RBFOX1: variants seen among roughly 807,000 people sequenced by gnomAD.
The protein encoded by RBFOX1 is RNA binding fox-1 homolog 1.
A neutral mutation model predicts 57.7 loss-of-function variants in RBFOX1; 8 were observed. That is an observed-to-expected ratio of 0.14 (90% CI 0.08 to 0.25). RBFOX1 has a LOEUF of 0.25. Ranked by LOEUF, RBFOX1 falls within the 10% of genes least tolerant of loss-of-function variation. RBFOX1 has a pLI of 1.00. For synonymous variants in RBFOX1, 326 were observed against 222.4 expected (o/e 1.47, Z -4.15); for missense variants, 611 against 548.5 (o/e 1.11, Z -1.14).
intron 2 of RBFOX1, among the ~76,000 whole-genome samples, chr16:6,585,441 G>A (rs191460744): frequency 2.0e-5 from 3 of 151,924 alleles, no homozygotes; most frequent in South Asian, 4.2e-4. Context: ...TTGTATTCTC[G>A]GTCCCCTTTG....
In RBFOX1 at chr16:6,718,008, A is replaced by G. The variant is rs571908292; in HGVS notation, c.-16+63358A>G. ...CCCTGCACCATTTTCTACCACCACC[A>G]CCGTCATCACCACCATCATCACTGG... On this transcript the variant is annotated intron_variant, in intron 3 of 15. Coordinates refer to ENST00000550418, the MANE Select transcript of RBFOX1 (RefSeq NM_018723.4). Among the ~76,000 whole-genome samples the G allele has an allele frequency of 2.0e-4, 30 of 152,216 alleles. No individual in the cohort carries two copies. The South Asian group carries it at 6.2e-3, about 32-fold the overall frequency.
chr16:7,113,006 A>G (rs548830652), intron 4 of RBFOX1, among the ~76,000 whole-genome samples: 4 of 152,310 alleles, frequency 2.6e-5, no homozygotes, highest in Admixed American at 1.3e-4. Context: ...ACATGAATTC[A>G]GGGGTGAGTC....
At chr16:7,470,164 C>G (rs2061306327) in intron 4 of RBFOX1, among the ~76,000 whole-genome samples, 1 of 152,096 alleles carries the variant, frequency 6.6e-6, no homozygotes, top group African/African-American at 2.4e-5. Flanking sequence ...CTTTCTTAAT[C>G]TGACTGTATA....
intron 4 of RBFOX1, among the ~76,000 whole-genome samples, chr16:5,955,882 G>C (rs2059628813): frequency 6.6e-6 from 1 of 152,270 alleles, no homozygotes; most frequent in Non-Finnish European, 1.5e-5. Flanking sequence ...GAAGATAACG[G>C]GTCCAATGCT....
chr16:5,494,059 G>A (rs946996848), intron 2 of RBFOX1, among the ~76,000 whole-genome samples: 1 of 152,144 alleles, frequency 6.6e-6, no homozygotes, highest in Non-Finnish European at 1.5e-5. Flanking sequence ...CAGGAGGTGG[G>A]GTCCCATTTC....
intron 1 of RBFOX1, among the ~76,000 whole-genome samples, chr16:6,299,520 A>G (rs2078549051): frequency 6.6e-6 from 1 of 152,136 alleles, no homozygotes; most frequent in Admixed American, 6.5e-5. Context: ...GCCACCAGCC[A>G]GAGTGATTTC....
At chr16:6,721,445 A>AAAC (rs200633535) in intron 3 of RBFOX1, among the ~76,000 whole-genome samples, 1 of 152,212 alleles carries the variant, frequency 6.6e-6, no homozygotes, top group Non-Finnish European at 1.5e-5. Context: ...TCTGTCTCAA[A>AAAC]AACAACAACA....
At chr16:7,382,058 G>A (rs1009978089) in intron 4 of RBFOX1, among the ~76,000 whole-genome samples, 1 of 152,252 alleles carries the variant, frequency 6.6e-6, no homozygotes, top group Non-Finnish European at 1.5e-5. Flanking sequence ...TTATAAATCA[G>A]TTGGAAGTTG....
At chr16:5,298,515 C>T (rs1176463637) in intron 1 of RBFOX1, among the ~76,000 whole-genome samples, 1 of 31,024 alleles carries the variant, frequency 3.2e-5, no homozygotes, top group Non-Finnish European at 5.6e-5. Flanking sequence ...CCCTTCCCCT[C>T]CCCTCCCCTC....
intron 2 of RBFOX1, among the ~76,000 whole-genome samples, chr16:6,481,514 G>T (rs529380605): frequency 5.3e-5 from 8 of 152,186 alleles, no homozygotes; most frequent in Non-Finnish European, 7.3e-5. Flanking sequence ...TTGCTTTTGT[G>T]AACTGATTTG....
intron 4 of RBFOX1, among the ~76,000 whole-genome samples, chr16:7,140,362 T>C (rs2073436531): frequency 6.6e-6 from 1 of 150,992 alleles, no homozygotes; most frequent in African/African-American, 2.4e-5. Flanking sequence ...TCTGAGTCTG[T>C]ATGATAGGAT....
At chr16:6,343,500 C>G (rs1032643964) in intron 2 of RBFOX1, among the ~76,000 whole-genome samples, 19 of 152,162 alleles carry the variant, frequency 1.2e-4, no homozygotes, top group African/African-American at 4.3e-4. Context: ...TCTTCTTATC[C>G]CTCCTGAGGT....
At chr16:6,764,355 A>G (rs1477636737) in intron 3 of RBFOX1, among the ~76,000 whole-genome samples, 1 of 152,066 alleles carries the variant, frequency 6.6e-6, no homozygotes, top group Non-Finnish European at 1.5e-5. Context: ...AACCTGAAAT[A>G]TTTTCAGTCC....
intron 3 of RBFOX1, among the ~76,000 whole-genome samples, chr16:6,809,349 C>T (rs140849590): frequency 1.3e-5 from 2 of 152,062 alleles, no homozygotes; most frequent in Non-Finnish European, 2.9e-5. Context: ...TGTAGATTGC[C>T]TCTAAGTGCC....
intron 2 of RBFOX1, among the ~76,000 whole-genome samples, chr16:6,553,196 C>T (rs2097024411): frequency 6.6e-6 from 1 of 152,120 alleles, no homozygotes; most frequent in Admixed American, 6.5e-5. Flanking sequence ...TTCTGCAGCT[C>T]TTCTCACGCT....
intron 3 of RBFOX1, among the ~76,000 whole-genome samples, chr16:7,000,192 C>T (rs967914906): frequency 1.3e-5 from 2 of 151,824 alleles, no homozygotes; most frequent in South Asian, 4.2e-4. Context: ...CTGTCATTAG[C>T]GTTATTATGC....
At chr16:7,350,707 G>A (rs947803948) in intron 4 of RBFOX1, among the ~76,000 whole-genome samples, 18 of 152,126 alleles carry the variant, frequency 1.2e-4, no homozygotes, top group African/African-American at 4.3e-4. Flanking sequence ...CCATTTCTTT[G>A]ATCTTCATTG....
rs937247639 is a variant in RBFOX1 at position 6,686,934 on chromosome 16, A to C, written c.-16+32284A>C. Among the ~76,000 whole-genome samples the C allele has an allele frequency of 1.3e-5, 2 of 152,234 alleles. 1 individual carries two copies. Among genetic ancestry groups the C allele is most frequent in the South Asian group, 4.1e-4 (2 of 4,834 alleles). ...ATTTGTGTACCTGATTTGTGTGTGT[A>C]TATAGATTCTGCTCGTAATGATATG... is the stretch of plus-strand genomic sequence containing the variant. On this transcript the variant is annotated intron_variant, in intron 3 of 15. Transcript: ENST00000550418.
chr16:6,056,841 A>G (rs923541323), intron 1 of RBFOX1: 1 of 39,376 alleles, frequency 2.5e-5, no homozygotes, highest in Non-Finnish European at 4.6e-5. Context: ...AAGACTTAAG[A>G]CTTTTTTTTT....
Sources: gnomAD v4.1 joint callset for allele counts (sites outside exome capture counted in the v4.1 genomes callset) on GRCh38, gnomAD v4.1.1 for gene constraint, MANE v1.5 for transcripts, NCBI Gene and HGNC (gene_info 2026-07-23, HGNC 2026-07-21) for gene names.